The following PARP3 variants were observed in gnomAD, a reference collection of about 807,000 sequenced individuals.
PARP3 encodes protein mono-ADP-ribosyltransferase PARP3.
Under a neutral mutation model 58.2 loss-of-function variants are expected in PARP3, and 46 were observed. The observed-to-expected ratio is 0.79, with a 90% CI of 0.62 to 1.01. The LOEUF is 1.01. PARP3 is among the 50% of genes least tolerant of loss of function. The pLI is 0.00. For synonymous variants in PARP3, 252 were observed against 266.4 expected (o/e 0.95, Z 0.53); for missense variants, 663 against 683.9 (o/e 0.97, Z 0.34).
rs557843373 is a variant in PARP3, at chr3:51,945,503, G to A, written c.870G>A (p.Ala290=). 77 of 1,613,482 alleles carry A rather than the reference G, an allele frequency of 4.8e-5. No individual in the cohort carries two copies. Among genetic ancestry groups the A allele is most frequent in the African/African-American group, 8.0e-5 (6 of 75,026 alleles). The change falls in exon 7 of 11, where the codon GCG becomes GCA. Residue 290 remains alanine, a synonymous_variant. Coordinates refer to ENST00000398755, the MANE Select transcript of PARP3 (RefSeq NM_001003931.4). ...AGGGCCCATCATCCTAGGTGCTGGC[G>A]GACATCGAGCTGGCCCAGGCCCTGC... ...QAKKDMLLVL[A]DIELAQALQA...
At position 51,944,222 on chromosome 3, in the gene PARP3, GTGCCC is replaced by G; in HGVS notation, c.312+10_312+14del. The G allele has an allele frequency of 1.2e-6, 2 of 1,613,966 alleles. No homozygotes were observed. The highest frequency in any genetic ancestry group is 8.5e-7 in the Non-Finnish European group (1 of 1,179,980). On this transcript the variant is annotated splice_donor_region_variant and intron_variant, in intron 3 of 10. Coordinates refer to ENST00000398755, the MANE Select transcript of PARP3 (RefSeq NM_001003931.4). The surrounding 1 kb of genome is among the most constrained non-coding windows in gnomAD (Gnocchi z 4.2). Reference sequence around the variant, plus strand: ...TGGAACCGCTGGGGCCGTGTGGTGAGTGCCCTGCCTGCTCTGCACATACTCCCCAG... The same window carrying G: ...TGGAACCGCTGGGGCCGTGTGGTGAGTGCCTGCTCTGCACATACTCCCCAG...
In PARP3 at chr3:51,945,860, A is replaced by T; in HGVS notation, c.1019A>T (p.Gln340Leu). Reference protein sequence around the residue: ...DSGAPEYKVIQTYLEQTGSNH... With the variant: ...DSGAPEYKVILTYLEQTGSNH... ...CTTCTGCTCTCCCCACAGGTGATAC[A>T]GACCTACTTAGAACAGACTGGCAGC... Residue 340 changes from glutamine to leucine, a missense_variant, in exon 8 of 11, where the codon CAG becomes CTG. Around this residue, in one of 3 missense-constraint regions of PARP3, gnomAD observed 567 missense variants for 553.6 expected, o/e 1.02. Coordinates refer to ENST00000398755, the MANE Select transcript of PARP3 (RefSeq NM_001003931.4). 1 of 1,613,896 alleles carries T rather than the reference A, an allele frequency of 6.2e-7. No homozygotes were observed. Among genetic ancestry groups the T allele is most frequent in the Non-Finnish European group, 8.5e-7 (1 of 1,179,798 alleles).
Position 51,946,503 on chromosome 3 carries a change from G to T in PARP3, c.1276+160G>T, listed in dbSNP as rs1162342272. On this transcript the variant is annotated intron_variant, in intron 9 of 10. Coordinates refer to ENST00000398755, the MANE Select transcript of PARP3 (RefSeq NM_001003931.4). This position sits in a 1 kb window ranked among gnomAD's most constrained non-coding sequence, Gnocchi z 4.6. ...GGCTGTCCTGGGCTTTGGTGGCGGGGGGTCTTAGAGAAAGTGTCTGATGGT... is the reference window on the plus strand; with the variant it reads ...GGCTGTCCTGGGCTTTGGTGGCGGGTGGTCTTAGAGAAAGTGTCTGATGGT... Among the ~76,000 whole-genome samples the T allele has an allele frequency of 6.6e-6, 1 of 152,214 alleles. No individual in the cohort carries two copies. Among genetic ancestry groups the T allele is most frequent in the Non-Finnish European group, 1.5e-5 (1 of 68,036 alleles).
In PARP3 at chr3:51,948,777, T is replaced by A; in HGVS notation, c.*297T>A. 2.8e-6 allele frequency: 1 copy of A among 363,040 alleles called. No individual in the cohort carries two copies. Among genetic ancestry groups the A allele is most frequent in the Middle Eastern group, 7.0e-4 (1 of 1,432 alleles). 22.5% of individuals were successfully genotyped at this position (363,040 alleles called of 1,614,324 possible). A position where few individuals can be genotyped will look rare whatever the true frequency, so the allele number is the denominator to read the frequency against. On this transcript the variant is annotated 3_prime_UTR_variant, in exon 11 of 11. Coordinates refer to ENST00000398755, the MANE Select transcript of PARP3 (RefSeq NM_001003931.4). ...CATGTAAGTGAGATCATGCAGTGTTTGTCTTTCTGTGCCTGGCTTATTTCA... is the reference window on the plus strand; with the variant it reads ...CATGTAAGTGAGATCATGCAGTGTTAGTCTTTCTGTGCCTGGCTTATTTCA...
At chr3:51,948,006 GTCAC>G in intron 10 of PARP3, 111 bp downstream of exon 10, 5 of 1,090,410 alleles carry the variant, frequency 4.6e-6, no homozygotes, top group Non-Finnish European at 5.3e-6. Flanking sequence ...CTTCCCTGTC[GTCAC>G]TCAGTTTGTC....
rs1577659661 is a variant in PARP3, at chr3:51,946,089, T to C, written c.1099-77T>C. On this transcript the variant is annotated intron_variant, in intron 8 of 10. Transcript: ENST00000398755. The surrounding 1 kb of genome is among the most constrained non-coding windows in gnomAD (Gnocchi z 4.6). ...TGAGTAAGCAGAGGGACACTAGGCC[T>C]TGGTCACAAGCAGCAGGGCAAGGCG... is the stretch of plus-strand genomic sequence containing the variant. 1.4e-6 allele frequency: 2 copies of C among 1,423,026 alleles called. No homozygotes were observed. The highest frequency in any genetic ancestry group is 9.8e-7 in the Non-Finnish European group (1 of 1,024,194). 88.1% of individuals were successfully genotyped at this position (1,423,026 alleles called of 1,614,324 possible).
chr3:51,946,290 G>T lies in PARP3; in HGVS notation c.1223G>T (p.Arg408Leu), dbSNP rs774725267. Residue 408 changes from arginine (R) to leucine (L), a missense_variant, in exon 9 of 11, where the codon CGT becomes CTT. By Grantham distance (102) the Arg-to-Leu change is moderately radical (BLOSUM62 -2). Coordinates refer to ENST00000398755, the MANE Select transcript of PARP3 (RefSeq NM_001003931.4). The surrounding 1 kb of genome is among the most constrained non-coding windows in gnomAD (Gnocchi z 4.6). ...CGCATCATGCCACATTCTGGTGGGC[G>T]TGTTGGCAAGGGCATCTACTTTGCC... The part of the protein sequence containing the change: ...GLRIMPHSGG[R>L]VGKGIYFASE... 3.7e-6 allele frequency: 6 copies of T among 1,613,880 alleles called. No homozygotes were observed. Among genetic ancestry groups the T allele is most frequent in the Admixed American group, 1.7e-5 (1 of 59,972 alleles).
rs546482175 is a variant in PARP3, at chr3:51,944,281, T to G, written c.312+64T>G. ...CCTCAAAAGGCCACAGCTACTGACT[T>G]GGGGGGGCACCTCCCAACTGTCCCA... On this transcript the variant is annotated intron_variant, in intron 3 of 10. Coordinates refer to ENST00000398755, the MANE Select transcript of PARP3 (RefSeq NM_001003931.4). The surrounding 1 kb of genome is among the most constrained non-coding windows in gnomAD (Gnocchi z 4.2). 4.1e-4 allele frequency: 663 copies of G among 1,608,604 alleles called. 4 individuals are homozygous for G. In the African/African-American group the frequency reaches 7.2e-3, roughly 17 times the overall value.
chr3:51,942,889 G>C, intron 1 of PARP3, 181 bp downstream of exon 1: 1 of 1,424,612 alleles, frequency 7.0e-7, no homozygotes. Context: ...CTGGCCCCAA[G>C]AATCCTGCCC....
intron 1 of PARP3, chr3:51,942,937 A>T: frequency 7.1e-7 from 1 of 1,410,366 alleles, no homozygotes; most frequent in East Asian, 2.6e-5. Flanking sequence ...TAGCTCGGTG[A>T]CTCGGCCCGG....
At position 51,944,846 on chromosome 3, in the gene PARP3, G is replaced by A. The variant is rs377346842; in HGVS notation, c.570G>A (p.Gln190=). ...CCTGCTCCCTGGACCCAGCCACGCAGAAGCTCATCACTAACATCTTCAGCA... is the reference window on the plus strand; with the variant it reads ...CCTGCTCCCTGGACCCAGCCACGCAAAAGCTCATCACTAACATCTTCAGCA... ...VQPCSLDPAT[Q]KLITNIFSKE... is the part of the protein sequence containing the mutation. The change falls in exon 5 of 11, where the codon CAG becomes CAA. Residue 190 remains glutamine (Q), a synonymous_variant. Coordinates refer to ENST00000398755, the MANE Select transcript of PARP3 (RefSeq NM_001003931.4). The surrounding 1 kb of genome is among the most constrained non-coding windows in gnomAD (Gnocchi z 4.2). 1.2e-6 allele frequency: 2 copies of A among 1,613,908 alleles called. No homozygotes were observed. The highest frequency in any genetic ancestry group is 1.7e-6 in the Non-Finnish European group (2 of 1,180,042).
At chr3:51,948,255 G>C (rs931714156) in intron 10 of PARP3, 56 bp from the exon 11 acceptor site, 2 of 1,535,906 alleles carry the variant, frequency 1.3e-6, no homozygotes, top group African/African-American at 1.4e-5. Flanking sequence ...GGACTTACTC[G>C]TAAGGCCTGG....
chr3:51,945,757 C>T, intron 7 of PARP3, 96 bp from the exon 8 acceptor site: 1 of 1,526,396 alleles, frequency 6.6e-7, no homozygotes, highest in Non-Finnish European at 9.1e-7. Flanking sequence ...TCCTGTGTCT[C>T]CAGGGCCTGA....
chr3:51,944,399 G>A lies in PARP3; in HGVS notation c.322G>A (p.Gly108Ser), dbSNP rs770324920. ...WNRWGRVGEV[G>S]QSKINHFTRL... The stretch of plus-strand genomic sequence containing the variant: ...AGGCTGTCGGTTGCAGGGAGAGGTC[G>A]GCCAGTCAAAGATCAACCACTTCAC... Residue 108 changes from glycine (G) to serine (S), a missense_variant, in exon 4 of 11, where the codon GGC becomes AGC. Gly to Ser is a moderately conservative substitution (Grantham distance 56). Transcript: ENST00000398755. This position sits in a 1 kb window ranked among gnomAD's most constrained non-coding sequence, Gnocchi z 4.2. 15 of 1,613,640 alleles carry A rather than the reference G, an allele frequency of 9.3e-6. No homozygotes were observed. Among genetic ancestry groups the A allele is most frequent in the Middle Eastern group, 1.6e-4 (1 of 6,084 alleles).
rs1699566087 is a variant in PARP3 at position 51,942,412 on chromosome 3, G to A, written c.-299G>A. 5.3e-6 allele frequency: 3 copies of A among 567,784 alleles called. No individual in the cohort carries two copies. Among genetic ancestry groups the A allele is most frequent in the South Asian group, 3.9e-5 (2 of 51,814 alleles). The allele number at this position is 567,784 out of a possible 1,614,324, so 35.2% of individuals were successfully genotyped here. A position where few individuals can be genotyped will look rare whatever the true frequency, so the allele number is the denominator to read the frequency against. ...TGCAGGCCCCGGCCACATGAGCAGC[G>A]CTACGGACGCGACTGCCCCGGCCTT... is the stretch of plus-strand genomic sequence containing the variant. On this transcript the variant is annotated 5_prime_UTR_variant, in exon 1 of 11. Coordinates refer to ENST00000398755, the MANE Select transcript of PARP3 (RefSeq NM_001003931.4).
In PARP3 at chr3:51,948,660, C is replaced by G; in HGVS notation, c.*180C>G. On this transcript the variant is annotated 3_prime_UTR_variant, in exon 11 of 11. Coordinates refer to ENST00000398755, the MANE Select transcript of PARP3 (RefSeq NM_001003931.4). Reference sequence around the variant, plus strand: ...TGCCTCCTAACTGAAATTTTGTATTCTTTGACACATCTGCCCAGTCCCTCT... The same window carrying G: ...TGCCTCCTAACTGAAATTTTGTATTGTTTGACACATCTGCCCAGTCCCTCT... The G allele has an allele frequency of 1.7e-6, 1 of 598,330 alleles. No homozygotes were observed. Among genetic ancestry groups the G allele is most frequent in the Non-Finnish European group, 2.9e-6 (1 of 345,560 alleles). The allele number at this position is 598,330 out of a possible 1,614,324, so 37.1% of individuals were successfully genotyped here. A position where few individuals can be genotyped will look rare whatever the true frequency, so the allele number is the denominator to read the frequency against.
At chr3:51,945,402 A>T in intron 6 of PARP3, 93 bp from the exon 7 acceptor site, 2 of 1,468,910 alleles carry the variant, frequency 1.4e-6, no homozygotes, top group Middle Eastern at 1.8e-4. Flanking sequence ...TGGGACACAC[A>T]GGTGGGGTGG....
intron 1 of PARP3, 95 bp from the exon 2 acceptor site, chr3:51,943,259 C>T: frequency 1.6e-6 from 2 of 1,286,866 alleles, no homozygotes; most frequent in Non-Finnish European, 2.1e-6. Context: ...CAAGTTGGTG[C>T]TGTGCTGGCC....
At position 51,948,513 on chromosome 3, in the gene PARP3, C is replaced by G; in HGVS notation, c.*33C>G. ...CCCTGTCCCCCGGGGTCCTGCAAGG[C>G]TGGACTGTGATCTTCAATCATCCTG... On this transcript the variant is annotated 3_prime_UTR_variant, in exon 11 of 11. Transcript: ENST00000398755. 2 of 1,602,502 alleles carry G rather than the reference C, an allele frequency of 1.2e-6. No homozygotes were observed. Among genetic ancestry groups the G allele is most frequent in the Non-Finnish European group, 1.7e-6 (2 of 1,171,144 alleles).
Sources: gnomAD v4.1 joint callset for allele counts (sites outside exome capture counted in the v4.1 genomes callset) on GRCh38, gnomAD v4.1.1 for gene constraint, gnomAD v4.1.1 regional missense constraint, Gnocchi (gnomAD v3.1) non-coding constraint, MANE v1.5 for transcripts, NCBI Gene and HGNC (gene_info 2026-07-23, HGNC 2026-07-21) for gene names.